Variants in ADD2 observed in about 807,000 individuals in gnomAD.
ADD2 encodes beta-adducin.
A neutral mutation model predicts 83.0 loss-of-function variants in ADD2; 23 were observed. The observed-to-expected ratio is 0.28, with a 90% confidence interval of 0.20 to 0.39. The LOEUF (loss-of-function observed/expected upper bound fraction) is 0.39. ADD2 is among the 10% of genes least tolerant of loss of function. The pLI is 1.00. For missense variants in ADD2, 758 were observed against 944.9 expected (o/e 0.80, Z 2.59); for synonymous variants, 375 against 375.4 (o/e 1.00, Z 0.01).
intron 6 of ADD2, among the ~76,000 whole-genome samples, chr2:70,693,888 C>G (rs1435191607): frequency 1.3e-5 from 2 of 152,206 alleles, no homozygotes; most frequent in South Asian, 2.1e-4. Context: ...CCATACGGTG[C>G]CTTTGTACAA....
intron 14 of ADD2, chr2:70,673,379 G>A (rs1553367545): frequency 6.6e-7 from 1 of 1,526,106 alleles, no homozygotes; most frequent in African/African-American, 1.4e-5. Context: ...CACATCAACG[G>A]GTAAGAGGTG....
chr2:70,751,972 T>C (rs1674527597), intron 1 of ADD2, among the ~76,000 whole-genome samples: 1 of 152,194 alleles, frequency 6.6e-6, no homozygotes, highest in African/African-American at 2.4e-5. Flanking sequence ...CAAGACACAA[T>C]GTTTCAGCAA....
chr2:70,703,561 T>G (rs1334607149), intron 4 of ADD2, among the ~76,000 whole-genome samples: 14 of 152,184 alleles, frequency 9.2e-5, no homozygotes. Context: ...CTTAAGAAAA[T>G]AATCACGGAT....
chr2:70,680,110 G>A lies in ADD2; in HGVS notation c.1126-1149C>T, dbSNP rs578137638. Among the ~76,000 whole-genome samples the A allele has an allele frequency of 7.9e-5, 12 of 152,126 alleles. 1 individual carries two copies. Among genetic ancestry groups the A allele is most frequent in the South Asian group, 2.1e-4 (1 of 4,820 alleles). The stretch of plus-strand genomic sequence containing the variant: ...TGTCAAGATTGCAGCCTTTTGTGCC[G>A]TGCTTGATAAGTCTTCCCTAACACA... On this transcript the variant is annotated intron_variant, in intron 10 of 15. Transcript: ENST00000264436.
intron 8 of ADD2, among the ~76,000 whole-genome samples, chr2:70,689,295 C>T (rs1670906015): frequency 2.0e-5 from 3 of 152,202 alleles, no homozygotes; most frequent in South Asian, 2.1e-4. Flanking sequence ...AACTTTTCTT[C>T]GTTGGTTTTA....
chr2:70,666,778 C>A (rs1039302120), intron 15 of ADD2, among the ~76,000 whole-genome samples: 1 of 152,204 alleles, frequency 6.6e-6, no homozygotes, highest in Non-Finnish European at 1.5e-5. Context: ...GAGAGCAACA[C>A]CCAAGGTTCT....
intron 1 of ADD2, among the ~76,000 whole-genome samples, chr2:70,757,185 T>C (rs1318776557): frequency 1.3e-5 from 2 of 152,096 alleles, no homozygotes; most frequent in Admixed American, 1.3e-4. Context: ...AGTTGATACA[T>C]TCAGAAACAG....
chr2:70,739,213 G>T (rs1553380673), intron 1 of ADD2, among the ~76,000 whole-genome samples: 2 of 152,190 alleles, frequency 1.3e-5, no homozygotes, highest in East Asian at 1.9e-4. Flanking sequence ...CCCATTAAAA[G>T]GTGGGCAAAG....
In ADD2 at chr2:70,683,450, T is replaced by C. The variant is rs576963360; in HGVS notation, c.1125+141A>G. 354 of 951,542 alleles carry C rather than the reference T, an allele frequency of 3.7e-4. 4 individuals are homozygous for C. In the South Asian group the frequency reaches 6.3e-3, roughly 17 times the overall value. 58.9% of individuals were successfully genotyped at this position (951,542 alleles called of 1,614,324 possible). On this transcript the variant is annotated intron_variant, in intron 10 of 15. Coordinates refer to ENST00000264436, the MANE Select transcript of ADD2 (RefSeq NM_001617.4). ...TGTTAGAATAACCACACATTCTAAA[T>C]CAAATTTCCCATCAATGAGGCTTCA...
intron 1 of ADD2, among the ~76,000 whole-genome samples, chr2:70,715,474 A>C (rs1349653999): frequency 6.6e-6 from 1 of 152,100 alleles, no homozygotes; most frequent in African/African-American, 2.4e-5. Context: ...TGCCCCATGT[A>C]GTGAAAACAG....
At chr2:70,683,847 A>T in intron 9 of ADD2, 80 bp from the exon 10 acceptor site, 9 of 1,467,884 alleles carry the variant, frequency 6.1e-6, no homozygotes, top group Non-Finnish European at 8.2e-6. Flanking sequence ...ATGTGATGAG[A>T]GAATGGGGAG....
At chr2:70,722,447 T>C (rs1672779083) in intron 1 of ADD2, among the ~76,000 whole-genome samples, 1 of 152,240 alleles carries the variant, frequency 6.6e-6, no homozygotes, top group Admixed American at 6.5e-5. Context: ...TAGAAGTTGA[T>C]GTCACCATTT....
chr2:70,747,705 C>A (rs1674294444), intron 1 of ADD2, among the ~76,000 whole-genome samples: 1 of 152,200 alleles, frequency 6.6e-6, no homozygotes, highest in African/African-American at 2.4e-5. Context: ...CTACATTACC[C>A]TTTTCTTTAT....
chr2:70,761,890 C>A (rs566698538), intron 1 of ADD2, among the ~76,000 whole-genome samples: 1 of 151,322 alleles, frequency 6.6e-6, no homozygotes, highest in East Asian at 2.0e-4. Flanking sequence ...CCAGGATGGC[C>A]GATCTCCTGA....
intron 1 of ADD2, among the ~76,000 whole-genome samples, chr2:70,745,980 G>A (rs1553381917): frequency 6.6e-6 from 1 of 152,178 alleles, no homozygotes; most frequent in African/African-American, 2.4e-5. Context: ...AAAACCTACA[G>A]GTTATGGAAA....
intron 1 of ADD2, among the ~76,000 whole-genome samples, chr2:70,739,742 C>T (rs1439393175): frequency 1.3e-5 from 2 of 152,210 alleles, no homozygotes; most frequent in Non-Finnish European, 2.9e-5. Context: ...AAGCTGGAGG[C>T]CATTATCCTT....
Position 70,706,331 on chromosome 2 carries a change from C to G in ADD2, c.78G>C (p.Glu26Asp), listed in dbSNP as rs1553374435. ...QGQPYFDRFS[E>D]DDPEYMRLRN... ...GAAGGCGCATGTACTCGGGGTCGTC[C>G]TCTGAGAAGCGGTCAAAGTAAGGCT... Residue 26 changes from glutamate (E) to aspartate (D), a missense_variant, in exon 3 of 16, where the codon GAG (glutamate) becomes GAC (aspartate). Transcript: ENST00000264436. The surrounding 1 kb of genome is among the most constrained non-coding windows in gnomAD (Gnocchi z 5.0). The G allele has an allele frequency of 6.2e-7, 1 of 1,613,996 alleles. No homozygotes were observed. Among genetic ancestry groups the G allele is most frequent in the East Asian group, 2.2e-5 (1 of 44,874 alleles).
At chr2:70,748,002 A>C (rs1461227146) in intron 1 of ADD2, among the ~76,000 whole-genome samples, 1 of 152,118 alleles carries the variant, frequency 6.6e-6, no homozygotes, top group Non-Finnish European at 1.5e-5. Flanking sequence ...AATGGCATAA[A>C]TTTTTAATGG....
chr2:70,684,329 C>A (rs148975373), intron 9 of ADD2, among the ~76,000 whole-genome samples: 322 of 152,296 alleles, frequency 2.1e-3, no homozygotes, highest in Non-Finnish European at 2.5e-3. Context: ...ATCACTGCAG[C>A]CTTAACCTCC....
Sources: allele counts gnomAD v4.1 joint callset (sites outside exome capture counted in the v4.1 genomes callset), GRCh38; gene constraint gnomAD v4.1.1; non-coding constraint Gnocchi (gnomAD v3.1); transcripts MANE v1.5; gene names NCBI Gene and HGNC (gene_info 2026-07-23, HGNC 2026-07-21).